RGSL1: variants seen among roughly 807,000 people sequenced by gnomAD.
The protein encoded by RGSL1 is regulator of G protein signaling protein-like.
RGSL1 carries 97 observed loss-of-function variants against 124.7 expected under a neutral mutation model. That is an observed-to-expected ratio of 0.78 (90% CI 0.66 to 0.92). The LOEUF (loss-of-function observed/expected upper bound fraction) is 0.92, where lower values mean the gene tolerates loss of function less well. RGSL1 is among the 40% of genes least tolerant of loss of function. The probability of loss-of-function intolerance (pLI) is 0.00; values close to 1 mark genes in which losing one functional copy is unlikely to be tolerated. For missense variants in RGSL1, 1,233 were observed against 1,288.4 expected (o/e 0.96, Z 0.66); for synonymous variants, 424 against 438.1 (o/e 0.97, Z 0.40).
chr1:182,497,374 C>A (rs908900671), intron 9 of RGSL1, among the ~76,000 whole-genome samples: 5 of 147,060 alleles, frequency 3.4e-5, no homozygotes, highest in African/African-American at 1.2e-4. Flanking sequence ...ATATATATAT[C>A]TGTCAGGAGA....
chr1:182,554,420 G>A (rs1051284191), intron 19 of RGSL1, among the ~76,000 whole-genome samples: 6 of 152,062 alleles, frequency 3.9e-5, no homozygotes, highest in African/African-American at 9.7e-5. Context: ...AGGTTTCCTG[G>A]GACACACACA....
chr1:182,529,396 C>G (rs1270971440), intron 11 of RGSL1, among the ~76,000 whole-genome samples: 1 of 152,070 alleles, frequency 6.6e-6, no homozygotes, highest in Admixed American at 6.5e-5. Flanking sequence ...GTGGAATATC[C>G]ACCACCCATG....
intron 14 of RGSL1, among the ~76,000 whole-genome samples, chr1:182,537,419 A>C (rs1252784409): frequency 6.6e-6 from 1 of 152,232 alleles, no homozygotes; most frequent in African/African-American, 2.4e-5. Context: ...AATCTGAAAC[A>C]CTTCTGGTCC....
intron 21 of RGSL1, among the ~76,000 whole-genome samples, chr1:182,558,738 C>T (rs2102349881): frequency 6.6e-6 from 1 of 152,208 alleles, no homozygotes; most frequent in African/African-American, 2.4e-5. Flanking sequence ...TTTCTCCTGC[C>T]TCTTCTTCTA....
intron 10 of RGSL1, among the ~76,000 whole-genome samples, chr1:182,525,794 C>A (rs1658698046): frequency 6.6e-6 from 1 of 151,790 alleles, no homozygotes; most frequent in Admixed American, 6.6e-5. Context: ...CAAAGAAAAT[C>A]CAGGTAAATA....
chr1:182,559,941 C>A (rs1347170914), intron 21 of RGSL1, among the ~76,000 whole-genome samples: 1 of 152,178 alleles, frequency 6.6e-6, no homozygotes, highest in Non-Finnish European at 1.5e-5. Context: ...GGGCAGAGAC[C>A]AAGTCCTATT....
chr1:182,504,472 C>CTTTTTTT (rs60918424), intron 9 of RGSL1, among the ~76,000 whole-genome samples: 1 of 59,518 alleles, frequency 1.7e-5, no homozygotes, highest in African/African-American at 6.7e-5. Context: ...ATGAGCCATA[C>CTTTTTTT]TTTTTTTTTT....
intron 4 of RGSL1, chr1:182,471,322 C>T (rs1204222720): frequency 2.2e-6 from 1 of 457,478 alleles, no homozygotes; most frequent in Non-Finnish European, 4.4e-6. Flanking sequence ...AGTGGCTACT[C>T]CAGAAATGCA....
chr1:182,548,731 T>G lies in RGSL1; in HGVS notation c.2840T>G (p.Ile947Ser). 6.4e-7 allele frequency: 1 copy of G among 1,551,624 alleles called. No individual in the cohort carries two copies. The highest frequency in any genetic ancestry group is 8.7e-7 in the Non-Finnish European group (1 of 1,146,984). Residue 947 changes from isoleucine to serine, a missense_variant, in exon 17 of 22, where the codon ATC becomes AGC. Physicochemically the swap from Ile to Ser is moderately radical, Grantham distance 142. Transcript: ENST00000294854. ...VNVPEFQKDA[I>S]LAAITEGYLD... ...GTCCCTGAGTTCCAGAAGGATGCCA[T>G]CCTTGCTGCCATCACAGAGGGCTAC... is the stretch of plus-strand genomic sequence containing the variant.
Position 182,473,848 on chromosome 1 carries a change from A to G in RGSL1, c.737A>G (p.Tyr246Cys). 1.9e-6 allele frequency: 3 copies of G among 1,551,784 alleles called. No homozygotes were observed. Among genetic ancestry groups the G allele is most frequent in the Non-Finnish European group, 2.6e-6 (3 of 1,147,010 alleles). ...AAGTGCCACCACTTTCAGAAACGGT[A>G]CTCAAGCAGGAAAGCCAAGAGGAAG... Reference protein sequence around the residue: ...IKKCHHFQKRYSSRKAKRKMW... With the variant: ...IKKCHHFQKRCSSRKAKRKMW... The change falls in exon 6 of 22, where the codon TAC becomes TGC. Residue 246 changes from tyrosine (Y) to cysteine (C), a missense_variant. Tyr to Cys is a radical substitution (Grantham distance 194). Transcript: ENST00000294854.
At chr1:182,553,713 A>T (rs1660701475) in intron 19 of RGSL1, among the ~76,000 whole-genome samples, 172 bp downstream of exon 19, 1 of 152,188 alleles carries the variant, frequency 6.6e-6, no homozygotes, top group Admixed American at 6.5e-5. Flanking sequence ...GTGAAAATTT[A>T]GTCTCCTGAC....
chr1:182,514,318 C>G (rs1485993315), intron 9 of RGSL1, among the ~76,000 whole-genome samples: 1 of 152,148 alleles, frequency 6.6e-6, no homozygotes, highest in Non-Finnish European at 1.5e-5. Context: ...TTCCAGTCTC[C>G]CATCTCGTCA....
At chr1:182,454,615 TG>T (rs1652139077) in intron 2 of RGSL1, among the ~76,000 whole-genome samples, 1 of 150,402 alleles carries the variant, frequency 6.6e-6, no homozygotes, top group Non-Finnish European at 1.5e-5. Flanking sequence ...TGTGTGTGTG[TG>T]TGTGTGTGTG....
intron 6 of RGSL1, among the ~76,000 whole-genome samples, chr1:182,479,220 A>G (rs1654516631): frequency 6.6e-6 from 1 of 152,218 alleles, no homozygotes; most frequent in Admixed American, 6.5e-5. Flanking sequence ...TGATAAAGGT[A>G]TATAAATCAC....
Position 182,530,340 on chromosome 1 carries a change from T to C in RGSL1, c.2222T>C (p.Met741Thr), listed in dbSNP as rs1373834618. 5 of 1,550,800 alleles carry C rather than the reference T, an allele frequency of 3.2e-6. No individual in the cohort carries two copies. The East Asian group carries it at 1.2e-4, about 38-fold the overall frequency. ...STLLTLQGHV[M>T]KSIEEKWFKD... is the part of the protein sequence containing the mutation. Reference sequence around the variant, plus strand: ...CTGTTAACGCTCCAGGGACATGTTATGAAATCTATAGAAGAAAAGTGGTGA... The same window carrying C: ...CTGTTAACGCTCCAGGGACATGTTACGAAATCTATAGAAGAAAAGTGGTGA... The change falls in exon 12 of 22, where the codon ATG becomes ACG. Residue 741 changes from methionine (M) to threonine (T), a missense_variant. Physicochemically the swap from Met to Thr is moderately conservative, Grantham distance 81. Coordinates refer to ENST00000294854, the MANE Select transcript of RGSL1 (RefSeq NM_001137669.2).
Position 182,480,125 on chromosome 1 carries a change from C to G in RGSL1, c.1431+5583C>G, listed in dbSNP as rs116330101. ...ACAAAGAAAGAGCAGAACTGACCAA[C>G]CTCATAAAGCAACTGGACCTAACAG... On this transcript the variant is annotated intron_variant, in intron 6 of 21. Transcript: ENST00000294854. 2.0e-5 allele frequency among the ~76,000 whole-genome samples: 3 copies of G among 152,212 alleles called. No homozygotes were observed. The East Asian group carries it at 5.8e-4, about 29-fold the overall frequency.
chr1:182,521,926 T>C, intron 9 of RGSL1, 78 bp from the exon 10 acceptor site: 1 of 983,108 alleles, frequency 1.0e-6, no homozygotes, highest in Non-Finnish European at 1.5e-6. Flanking sequence ...ACTTTATGTC[T>C]GAAAAATATC....
chr1:182,481,570 C>T (rs1339835403), intron 6 of RGSL1, among the ~76,000 whole-genome samples: 1 of 152,176 alleles, frequency 6.6e-6, no homozygotes, highest in African/African-American at 2.4e-5. Context: ...GGAGAGAGAA[C>T]ACTTTCAAAG....
At chr1:182,545,243 T>C (rs10797783) in intron 15 of RGSL1, among the ~76,000 whole-genome samples, 79,588 of 151,992 alleles carry the variant, frequency 0.52, 21,060 homozygotes, top group Non-Finnish European at 0.56. Flanking sequence ...CAGCTTATCT[T>C]ACATCACAAA....
Sources: allele counts gnomAD v4.1 joint callset (sites outside exome capture counted in the v4.1 genomes callset), GRCh38; gene constraint gnomAD v4.1.1; transcripts MANE v1.5; gene names NCBI Gene and HGNC (gene_info 2026-07-23, HGNC 2026-07-21).